The following TET2 variants were observed in gnomAD, a reference collection of about 807,000 sequenced individuals.
TET2 encodes the protein tet methylcytosine dioxygenase 2.
A neutral mutation model predicts 142.9 loss-of-function variants in TET2; 299 were observed. The observed-to-expected ratio is 2.09, with a 90% CI of 1.90 to 2.30. TET2 has a LOEUF of 2.30. Among genes scored for constraint, TET2 ranks in the 30% most tolerant of loss-of-function variants. The pLI is 0.00. For synonymous variants in TET2, 819 were observed against 849.0 expected (o/e 0.96, Z 0.61); for missense variants, 2,418 against 2,378.0 (o/e 1.02, Z -0.35).
intron 6 of TET2, among the ~76,000 whole-genome samples, chr4:105,255,688 T>G (rs1281308757): frequency 6.6e-6 from 1 of 152,164 alleles, no homozygotes; most frequent in Non-Finnish European, 1.5e-5. Flanking sequence ...TTTTAATGGC[T>G]TGAACTTTTT....
chr4:105,198,336 C>CAATA (rs551451195), intron 2 of TET2, among the ~76,000 whole-genome samples: 2,120 of 151,958 alleles, frequency 0.014, 32 homozygotes, highest in Middle Eastern at 0.058. Context: ...AACTCTGTCT[C>CAATA]AATAAATAAA....
intron 1 of TET2, among the ~76,000 whole-genome samples, chr4:105,155,331 A>C (rs1344287378): frequency 3.3e-5 from 5 of 152,236 alleles, no homozygotes; most frequent in Admixed American, 2.6e-4. Flanking sequence ...AAGGTTGAAA[A>C]GGAAATTGCT....
chr4:105,224,414 G>T (rs1728048598), intron 2 of TET2, among the ~76,000 whole-genome samples: 1 of 152,126 alleles, frequency 6.6e-6, no homozygotes, highest in African/African-American at 2.4e-5. Context: ...AATTATGATG[G>T]ATTAGACTGC....
At chr4:105,241,618 T>C (rs1264425449) in intron 4 of TET2, 189 bp downstream of exon 4, 55 of 1,319,396 alleles carry the variant, frequency 4.2e-5, no homozygotes, top group Non-Finnish European at 5.1e-5. Flanking sequence ...TTGACAGGAC[T>C]AATAGTCTGC....
intron 1 of TET2, among the ~76,000 whole-genome samples, chr4:105,179,654 T>G (rs1327192275): frequency 6.6e-6 from 1 of 152,370 alleles, no homozygotes; most frequent in South Asian, 2.1e-4. Context: ...GCTGTTACAC[T>G]TAGATGATTT....
rs72963007 is a variant in TET2, at chr4:105,243,566, G to A, written c.3595-4G>A. Reference sequence around the variant, plus strand: ...TGTTTGGGATGGAATGGTGATCCACGCAGGTGGTTCGCAGAAGCAGCAGTG... The same window carrying A: ...TGTTTGGGATGGAATGGTGATCCACACAGGTGGTTCGCAGAAGCAGCAGTG... On this transcript the variant is annotated splice_region_variant and splice_polypyrimidine_tract_variant and intron_variant, in intron 5 of 10. Coordinates refer to ENST00000380013, the MANE Select transcript of TET2 (RefSeq NM_001127208.3). The A allele has an allele frequency of 2.4e-3, 3,707 of 1,551,428 alleles. 64 individuals are homozygous for A. The African/African-American group carries it at 0.033, about 14-fold the overall frequency.
At chr4:105,210,657 A>G (rs1727105055) in intron 2 of TET2, among the ~76,000 whole-genome samples, 1 of 152,090 alleles carries the variant, frequency 6.6e-6, no homozygotes, top group South Asian at 2.1e-4. Context: ...ACCATCATCA[A>G]CCTTTTAGCT....
Position 105,237,135 on chromosome 4 carries a change from T to C in TET2, c.3193T>C (p.Leu1065=), listed in dbSNP as rs1728991072. 3 of 1,614,016 alleles carry C rather than the reference T, an allele frequency of 1.9e-6. No homozygotes were observed. Among genetic ancestry groups the C allele is most frequent in the Non-Finnish European group, 2.5e-6 (3 of 1,180,028 alleles). ...TGAAATGTCAGGGCCAGTCACAGTT[T>C]TGACTAGACAAACCACTGCTGCAGA... ...KVEMSGPVTV[L]TRQTTAAELD... is the part of the protein sequence containing the mutation. The change falls in exon 3 of 11, where the codon TTG becomes CTG. Residue 1065 remains leucine, a synonymous_variant. Coordinates refer to ENST00000380013, the MANE Select transcript of TET2 (RefSeq NM_001127208.3).
rs1731186712 is a variant in TET2 at position 105,275,771 on chromosome 4, G to C, written c.5261G>C (p.Gly1754Ala). The C allele has an allele frequency of 6.4e-7, 1 of 1,551,560 alleles. No individual in the cohort carries two copies. Among genetic ancestry groups the C allele is most frequent in the Non-Finnish European group, 8.7e-7 (1 of 1,146,990 alleles). ...LSNPNMDYKN[G>A]EHHSPSHIIH... ...AATCCAAACATGGACTATAAAAATG[G>C]TGAACATCATTCACCTTCTCACATA... Residue 1754 changes from glycine (G) to alanine (A), a missense_variant, in exon 11 of 11, where the codon GGT becomes GCT. Gly to Ala is a moderately conservative substitution (Grantham distance 60, BLOSUM62 0). Transcript: ENST00000380013.
chr4:105,204,234 TACACAC>T (rs763239434), intron 2 of TET2, among the ~76,000 whole-genome samples: 26 of 125,964 alleles, frequency 2.1e-4, no homozygotes, highest in African/African-American at 5.5e-4. Context: ...AAAAAATATA[TACACAC>T]ACACACACAC....
Position 105,237,164 on chromosome 4 carries a change from TGATA to T in TET2, c.3224_3227del (p.Asp1075AlafsTer6). The T allele has an allele frequency of 6.2e-7, 1 of 1,614,154 alleles. No homozygotes were observed. The highest frequency in any genetic ancestry group is 8.5e-7 in the Non-Finnish European group (1 of 1,180,016). On this transcript the variant is annotated frameshift_variant, in exon 3 of 11. Transcript: ENST00000380013. LOFTEE classifies it high-confidence loss of function. Reference sequence around the variant, plus strand: ...CTAGACAAACCACTGCTGCAGAACTTGATAGCCACACCCCAGCTTTAGAGCAGCA... The same window carrying T: ...CTAGACAAACCACTGCTGCAGAACTTGCCACACCCCAGCTTTAGAGCAGCA...
At chr4:105,148,440 T>C (rs550894348) in intron 1 of TET2, among the ~76,000 whole-genome samples, 1 of 152,284 alleles carries the variant, frequency 6.6e-6, no homozygotes, top group African/African-American at 2.4e-5. Flanking sequence ...ACATTGTGCT[T>C]TTTCCCCTTC....
At chr4:105,214,556 C>T (rs966436077) in intron 2 of TET2, among the ~76,000 whole-genome samples, 5 of 150,088 alleles carry the variant, frequency 3.3e-5, no homozygotes, top group African/African-American at 1.2e-4. Context: ...AGTGATCCAC[C>T]CACCTTGGCT....
Position 105,149,573 on chromosome 4 carries a change from T to C in TET2, c.-193+2594T>C, listed in dbSNP as rs73836021. 5.2e-3 allele frequency among the ~76,000 whole-genome samples: 799 copies of C among 152,328 alleles called. 9 individuals carry two copies. The highest frequency in any genetic ancestry group is 0.018 in the African/African-American group (754 of 41,578). ...CTACCTAGGTGCTCCAAAAATTCCA[T>C]AGGACTGTCTTGGGTTATTGAATTT... On this transcript the variant is annotated intron_variant, in intron 1 of 10. Transcript: ENST00000380013.
chr4:105,178,897 T>G (rs1274774958), intron 1 of TET2, among the ~76,000 whole-genome samples: 1 of 152,186 alleles, frequency 6.6e-6, no homozygotes, highest in Non-Finnish European at 1.5e-5. Context: ...GAGTAATTTA[T>G]AAAGGAAAGA....
At chr4:105,176,892 A>AG (rs1282642917) in intron 1 of TET2, among the ~76,000 whole-genome samples, 4 of 152,310 alleles carry the variant, frequency 2.6e-5, no homozygotes, top group Middle Eastern at 3.4e-3. Context: ...TAATCAATGT[A>AG]GTGGGTACTG....
chr4:105,261,898 A>G, intron 8 of TET2, 50 bp downstream of exon 8: 3 of 1,080,226 alleles, frequency 2.8e-6, no homozygotes, highest in Non-Finnish European at 4.1e-6. Context: ...ACTTGTTACT[A>G]ATGACCTATG....
intron 1 of TET2, among the ~76,000 whole-genome samples, chr4:105,162,646 GTAGTAACTTAACCATCTC>G (rs1560715762): frequency 6.6e-6 from 1 of 152,202 alleles, no homozygotes; most frequent in Non-Finnish European, 1.5e-5. Flanking sequence ...AGAAGCTAGT[GTAGTAACTTAACCATCTC>G]TAATAATGTT....
At chr4:105,238,203 A>T (rs1729069866) in intron 3 of TET2, 1 of 234,366 alleles carries the variant, frequency 4.3e-6, no homozygotes, top group African/African-American at 2.2e-5. Context: ...GCCTTTAGTG[A>T]GTGCTAATCT....
Sources: allele counts gnomAD v4.1 joint callset (sites outside exome capture counted in the v4.1 genomes callset), GRCh38; gene constraint gnomAD v4.1.1; transcripts MANE v1.5; gene names NCBI Gene and HGNC (gene_info 2026-07-23, HGNC 2026-07-21).